GOLIM4: variants seen among roughly 807,000 people sequenced by gnomAD.
GOLIM4 encodes the protein golgi integral membrane protein 4.
In GOLIM4, 71 loss-of-function variants were observed where a neutral mutation model predicts 107.4. That is an observed-to-expected ratio of 0.66 (90% CI 0.55 to 0.81). The LOEUF (loss-of-function observed/expected upper bound fraction) is 0.81. Among genes scored for constraint, GOLIM4 ranks in the 30% least tolerant of loss-of-function variants. The probability of loss-of-function intolerance (pLI) is 0.00; values close to 1 mark genes in which losing one functional copy is unlikely to be tolerated. For synonymous variants in GOLIM4, 327 were observed against 294.8 expected, an observed-to-expected ratio of 1.11 and a Z score of -1.12; for missense variants, 830 against 826.1, an observed-to-expected ratio of 1.00 and a Z score of -0.06.
At chr3:168,013,830 T>C (rs1414498769) in intron 14 of GOLIM4, among the ~76,000 whole-genome samples, 1 of 151,314 alleles carries the variant, frequency 6.6e-6, no homozygotes, top group African/African-American at 2.5e-5. Context: ...AAAGATGTTC[T>C]TTCAAACCAA....
chr3:168,076,805 G>A (rs1179375189), intron 1 of GOLIM4, among the ~76,000 whole-genome samples: 1 of 152,154 alleles, frequency 6.6e-6, no homozygotes, highest in Non-Finnish European at 1.5e-5. Context: ...CTTGTTCTAT[G>A]TCACTGAAAG....
rs375081853 is a variant in GOLIM4, at chr3:168,012,244, A to G, written c.1861-1421T>C. ...GGCTCGAGAACTACATGAAGAATGCAGAAGCCTCAGGAGCCGATGCAATCA... is the reference window on the plus strand; with the variant it reads ...GGCTCGAGAACTACATGAAGAATGCGGAAGCCTCAGGAGCCGATGCAATCA... On this transcript the variant is annotated intron_variant, in intron 14 of 15. Coordinates refer to ENST00000470487, the MANE Select transcript of GOLIM4 (RefSeq NM_014498.5). 5.7e-3 allele frequency among the ~76,000 whole-genome samples: 775 copies of G among 136,834 alleles called. 65 individuals are homozygous for G. In the South Asian group the frequency reaches 0.16, roughly 28 times the overall value. 89.8% of individuals were successfully genotyped at this position (136,834 alleles called of 152,430 possible).
intron 1 of GOLIM4, among the ~76,000 whole-genome samples, chr3:168,091,851 A>T (rs1721933009): frequency 6.6e-6 from 1 of 152,256 alleles, no homozygotes; most frequent in South Asian, 2.1e-4. Context: ...ACTGAATTAC[A>T]GTCTAGAAAC....
chr3:168,042,384 G>A (rs1001474080), intron 5 of GOLIM4, among the ~76,000 whole-genome samples: 3 of 152,084 alleles, frequency 2.0e-5, no homozygotes, highest in South Asian at 4.1e-4. Context: ...GGGTTCAAGC[G>A]AGTCTCTTGC....
At chr3:168,073,300 T>C (rs1268964870) in intron 1 of GOLIM4, among the ~76,000 whole-genome samples, 1 of 152,228 alleles carries the variant, frequency 6.6e-6, no homozygotes, top group Non-Finnish European at 1.5e-5. Flanking sequence ...GTATCTAGCA[T>C]AGTGCCTTTC....
Position 168,090,981 on chromosome 3 carries a change from G to A in GOLIM4, c.187+4118C>T, listed in dbSNP as rs985014511. ...GGGAGCTATACAACGGGCACACATG[G>A]ACATAGAGAGTGGAAGTGGAGACTA... On this transcript the variant is annotated intron_variant, in intron 1 of 15. Coordinates refer to ENST00000470487, the MANE Select transcript of GOLIM4 (RefSeq NM_014498.5). Among the ~76,000 whole-genome samples the A allele has an allele frequency of 3.4e-4, 52 of 152,162 alleles. 1 individual carries two copies. Among genetic ancestry groups the A allele is most frequent in the Non-Finnish European group, 1.5e-5 (1 of 68,026 alleles).
At chr3:168,041,925 G>A (rs1719029061) in intron 5 of GOLIM4, among the ~76,000 whole-genome samples, 1 of 151,834 alleles carries the variant, frequency 6.6e-6, no homozygotes, top group South Asian at 2.1e-4. Context: ...AGAAAGTATA[G>A]ACCCTTAACC....
At chr3:168,059,818 T>C (rs1303252503) in intron 1 of GOLIM4, among the ~76,000 whole-genome samples, 1 of 152,098 alleles carries the variant, frequency 6.6e-6, no homozygotes, top group East Asian at 1.9e-4. Context: ...GATATTTCAG[T>C]GGGGACATGT....
chr3:168,060,355 A>C (rs1382757697), intron 1 of GOLIM4, among the ~76,000 whole-genome samples: 11 of 152,206 alleles, frequency 7.2e-5, no homozygotes, highest in Non-Finnish European at 1.6e-4. Flanking sequence ...GGGTAATGGA[A>C]GAAGAGGACC....
At chr3:168,085,662 C>T (rs979233161) in intron 1 of GOLIM4, among the ~76,000 whole-genome samples, 3 of 151,918 alleles carry the variant, frequency 2.0e-5, no homozygotes, top group Admixed American at 1.3e-4. Flanking sequence ...CCACCTTTCA[C>T]GAAAAAGGAA....
At chr3:168,013,803 G>A (rs1013216018) in intron 14 of GOLIM4, among the ~76,000 whole-genome samples, 40 of 151,052 alleles carry the variant, frequency 2.6e-4, no homozygotes, top group African/African-American at 6.9e-4. Context: ...GGTACATAAC[G>A]AAATGAAGGC....
At position 168,048,294 on chromosome 3, in the gene GOLIM4, C is replaced by G. The variant is rs567748650; in HGVS notation, c.259G>C (p.Glu87Gln). ...CACAAATTATGTATTTACTTACCTT[C>G]CTTTGCTTTTTTATGTTCAAGTCTT... ...KERLEHKKAK[E>Q]DFLVYKLEAQ... is the part of the protein sequence containing the mutation. Residue 87 changes from glutamate (E) to glutamine (Q), a missense_variant, in exon 2 of 16, where the codon GAA (glutamate) becomes CAA (glutamine). Glu to Gln is a conservative substitution (Grantham distance 29, BLOSUM62 2). Transcript: ENST00000470487. The G allele has an allele frequency of 7.0e-7, 1 of 1,435,198 alleles. No homozygotes were observed. The highest frequency in any genetic ancestry group is 1.8e-5 in the Admixed American group (1 of 54,870). The allele number at this position is 1,435,198 out of a possible 1,614,324, so 88.9% of individuals were successfully genotyped here.
chr3:168,052,638 T>A (rs370005950), intron 1 of GOLIM4, among the ~76,000 whole-genome samples: 16 of 152,178 alleles, frequency 1.1e-4, no homozygotes, highest in African/African-American at 3.9e-4. Flanking sequence ...ATTAAGCACA[T>A]ACACACACAT....
intron 1 of GOLIM4, among the ~76,000 whole-genome samples, chr3:168,076,095 C>T (rs934824321): frequency 2.0e-5 from 3 of 152,104 alleles, no homozygotes; most frequent in Admixed American, 6.5e-5. Context: ...AACAGAGAGA[C>T]GACATCTGCC....
chr3:168,051,792 C>T (rs145773413), intron 1 of GOLIM4, among the ~76,000 whole-genome samples: 6 of 152,090 alleles, frequency 3.9e-5, no homozygotes, highest in African/African-American at 1.4e-4. Context: ...AGAATATCAC[C>T]GAGGAGGAGG....
chr3:168,084,946 T>C (rs1255136299), intron 1 of GOLIM4, among the ~76,000 whole-genome samples: 3 of 151,820 alleles, frequency 2.0e-5, no homozygotes, highest in African/African-American at 7.3e-5. Context: ...CACTTATAGT[T>C]ACATGGAAAT....
chr3:168,074,229 C>T (rs1015623305), intron 1 of GOLIM4, among the ~76,000 whole-genome samples: 1 of 152,162 alleles, frequency 6.6e-6, no homozygotes, highest in Non-Finnish European at 1.5e-5. Flanking sequence ...AGGACTAGAA[C>T]CATCCAGATA....
intron 1 of GOLIM4, among the ~76,000 whole-genome samples, chr3:168,057,749 A>G (rs1321128636): frequency 2.0e-5 from 3 of 152,208 alleles, no homozygotes; most frequent in African/African-American, 7.2e-5. Context: ...AGTACCTTGA[A>G]GGTTGGGACT....
intron 12 of GOLIM4, among the ~76,000 whole-genome samples, chr3:168,025,993 T>G (rs1335505295): frequency 2.0e-5 from 3 of 152,194 alleles, no homozygotes; most frequent in African/African-American, 7.2e-5. Context: ...AATAGGACAC[T>G]TACTAAGCTG....
Sources: allele counts gnomAD v4.1 joint callset (sites outside exome capture counted in the v4.1 genomes callset), GRCh38; gene constraint gnomAD v4.1.1; transcripts MANE v1.5; gene names NCBI Gene and HGNC (gene_info 2026-07-23, HGNC 2026-07-21).